SUMF1: variants seen among roughly 807,000 people sequenced by gnomAD.
SUMF1 encodes sulfatase modifying factor 1.
In SUMF1, 48 loss-of-function variants were observed where a neutral mutation model predicts 47.6. The ratio of observed to expected loss-of-function variants is 1.01; its 90% confidence interval spans 0.80 to 1.28. SUMF1 has a LOEUF of 1.28. SUMF1 is among the 50% of genes most tolerant of loss of function. The pLI, the probability that SUMF1 is intolerant of heterozygous loss-of-function variation, is 0.00. For missense variants in SUMF1, 571 were observed against 485.4 expected (o/e 1.18, Z -1.66); for synonymous variants, 230 against 192.1 (o/e 1.20, Z -1.63).
At chr3:4,242,969 T>A (rs9863415) in intron 8 of SUMF1, among the ~76,000 whole-genome samples, 11,998 of 152,278 alleles carry the variant, frequency 0.079, 520 homozygotes, top group Middle Eastern at 0.12. Flanking sequence ...ATTGGTCTAT[T>A]CAGAGATTCA....
chr3:4,209,556 A>C (rs1281811405), intron 8 of SUMF1, among the ~76,000 whole-genome samples: 2 of 152,122 alleles, frequency 1.3e-5, no homozygotes, highest in African/African-American at 4.8e-5. Flanking sequence ...AATGTTTATA[A>C]TTAAAAGCCC....
intron 8 of SUMF1, among the ~76,000 whole-genome samples, chr3:4,330,722 A>G (rs996101826): frequency 6.6e-6 from 1 of 152,192 alleles, no homozygotes; most frequent in Non-Finnish European, 1.5e-5. Context: ...CAAAAGATAA[A>G]TGTTTTCTTA....
intron 8 of SUMF1, among the ~76,000 whole-genome samples, chr3:4,102,203 T>C (rs1693049606): frequency 6.6e-6 from 1 of 152,082 alleles, no homozygotes; most frequent in South Asian, 2.1e-4. Flanking sequence ...TTCTGGAATA[T>C]TCTTGCTAAT....
intron 9 of SUMF1, among the ~76,000 whole-genome samples, chr3:4,039,528 C>T (rs1026646056): frequency 7.1e-6 from 1 of 141,618 alleles, no homozygotes; most frequent in Non-Finnish European, 1.5e-5. Context: ...CAATTTCATC[C>T]ATGTCCCTAC....
intron 8 of SUMF1, among the ~76,000 whole-genome samples, chr3:4,268,701 T>A (rs1008829597): frequency 5.3e-5 from 8 of 151,882 alleles, no homozygotes; most frequent in Admixed American, 2.0e-4. Flanking sequence ...ATCTATCCAG[T>A]GCTAAGTAGC....
At chr3:4,305,702 T>C (rs970352932) in intron 8 of SUMF1, among the ~76,000 whole-genome samples, 1 of 152,192 alleles carries the variant, frequency 6.6e-6, no homozygotes, top group Non-Finnish European at 1.5e-5. Context: ...CCATGCTATA[T>C]AGGGTTAAAA....
intron 7 of SUMF1, among the ~76,000 whole-genome samples, chr3:4,395,327 A>AT (rs1023098161): frequency 3.0e-4 from 45 of 151,578 alleles, no homozygotes; most frequent in African/African-American, 6.8e-4. Flanking sequence ...AATAATTTGT[A>AT]TTTTTTTTTA....
In SUMF1 at chr3:4,456,914, A is replaced by G. The variant is rs964247252; in HGVS notation, c.271-3865T>C. Among the ~76,000 whole-genome samples, 5 of 124,250 alleles carry G rather than the reference A, an allele frequency of 4.0e-5. 1 individual carries two copies. The highest frequency in any genetic ancestry group is 1.5e-4 in the African/African-American group (5 of 32,266). The allele number at this position is 124,250 out of a possible 152,430, so 81.5% of individuals were successfully genotyped here. A position where few individuals can be genotyped will look rare whatever the true frequency, so the allele number is the denominator to read the frequency against. ...TATATATGTGTGTGTATATCTATATACGTGTGTGTGTATATATATACGTGT... is the reference window on the plus strand; with the variant it reads ...TATATATGTGTGTGTATATCTATATGCGTGTGTGTGTATATATATACGTGT... On this transcript the variant is annotated intron_variant, in intron 1 of 8. Coordinates refer to ENST00000272902, the MANE Select transcript of SUMF1 (RefSeq NM_182760.4).
At chr3:4,335,960 C>CAGAAAAAA (rs1553558764) in intron 8 of SUMF1, among the ~76,000 whole-genome samples, 1 of 73,908 alleles carries the variant, frequency 1.4e-5, no homozygotes, top group Non-Finnish European at 2.3e-5. Context: ...GATTCCAACT[C>CAGAAAAAA]AAAAAAAAAA....
chr3:4,401,129 A>G (rs1032740748), intron 7 of SUMF1, among the ~76,000 whole-genome samples: 1 of 151,924 alleles, frequency 6.6e-6, no homozygotes, highest in African/African-American at 2.4e-5. Context: ...CCATGTCCCT[A>G]CAAAGGACAT....
At chr3:4,308,457 A>T (rs1264764515) in intron 8 of SUMF1, among the ~76,000 whole-genome samples, 3 of 152,262 alleles carry the variant, frequency 2.0e-5, no homozygotes. Flanking sequence ...TAAATATAAC[A>T]TCTAAAAGTA....
At chr3:4,381,076 G>C (rs1700489061) in intron 7 of SUMF1, among the ~76,000 whole-genome samples, 1 of 152,146 alleles carries the variant, frequency 6.6e-6, no homozygotes, top group Admixed American at 6.6e-5. Flanking sequence ...GTAGTCAAGA[G>C]ACATTTCCCT....
intron 9 of SUMF1, among the ~76,000 whole-genome samples, chr3:4,044,500 A>G (rs1309403414): frequency 6.6e-6 from 1 of 152,230 alleles, no homozygotes; most frequent in Admixed American, 6.5e-5. Context: ...ATGAGGCTTC[A>G]TAAGAAATTT....
At chr3:4,112,243 T>C (rs568961366) in intron 8 of SUMF1, among the ~76,000 whole-genome samples, 5 of 152,248 alleles carry the variant, frequency 3.3e-5, no homozygotes, top group African/African-American at 1.2e-4. Flanking sequence ...ACCAGATACA[T>C]AAAATATGCC....
intron 7 of SUMF1, among the ~76,000 whole-genome samples, chr3:4,398,286 A>G (rs1268355639): frequency 6.6e-6 from 1 of 152,192 alleles, no homozygotes; most frequent in Non-Finnish European, 1.5e-5. Flanking sequence ...CAAATCTGGC[A>G]TTCAGTAGCT....
chr3:4,437,846 G>A (rs1702451128), intron 3 of SUMF1, among the ~76,000 whole-genome samples: 1 of 152,116 alleles, frequency 6.6e-6, no homozygotes, highest in Non-Finnish European at 1.5e-5. Context: ...GACTGAGGCA[G>A]GAGAATCTCT....
At chr3:4,257,967 A>C (rs1431323795) in intron 8 of SUMF1, among the ~76,000 whole-genome samples, 1 of 152,100 alleles carries the variant, frequency 6.6e-6, no homozygotes, top group Non-Finnish European at 1.5e-5. Context: ...GCATGTCTAC[A>C]ACTATCTGAT....
At chr3:4,363,387 CT>C (rs202090823) in intron 8 of SUMF1, among the ~76,000 whole-genome samples, 3,606 of 152,230 alleles carry the variant, frequency 0.024, 63 homozygotes, top group Middle Eastern at 0.044. Context: ...TTTGTATCCT[CT>C]TTTATTTCAT....
chr3:4,325,577 A>G (rs1698926933), intron 8 of SUMF1, among the ~76,000 whole-genome samples: 2 of 147,250 alleles, frequency 1.4e-5, no homozygotes, highest in Non-Finnish European at 3.0e-5. Context: ...ATATATATAT[A>G]TGTATGTATA....
Sources: gnomAD v4.1 joint callset for allele counts (sites outside exome capture counted in the v4.1 genomes callset) on GRCh38, gnomAD v4.1.1 for gene constraint, MANE v1.5 for transcripts, NCBI Gene and HGNC (gene_info 2026-07-23, HGNC 2026-07-21) for gene names.